CCNB3: variants seen among roughly 807,000 people sequenced by gnomAD.
CCNB3 encodes G2/mitotic-specific cyclin-B3.
CCNB3 carries 12 observed loss-of-function variants against 68.0 expected under a neutral mutation model. The observed-to-expected ratio is 0.18, with a 90% CI of 0.11 to 0.29. The LOEUF (loss-of-function observed/expected upper bound fraction) is 0.29, where lower values mean the gene tolerates loss of function less well. Among genes scored for constraint, CCNB3 ranks in the 10% least tolerant of loss-of-function variants. The pLI is 1.00. For synonymous variants in CCNB3, 354 were observed against 388.9 expected (o/e 0.91, Z 1.06); for missense variants, 904 against 993.1 (o/e 0.91, Z 1.21).
chrX:50,316,845 T>A (rs782612731), intron 8 of CCNB3, among the ~76,000 whole-genome samples: 1 of 112,533 alleles, frequency 8.9e-6, no homozygotes, highest in Non-Finnish European at 1.9e-5. Context: ...TTATCCATTC[T>A]CCTGTGGAAG....
chrX:50,219,155 A>G (rs1179072206), intron 1 of CCNB3, among the ~76,000 whole-genome samples: 1 of 111,465 alleles, frequency 9.0e-6, no homozygotes, highest in Non-Finnish European at 1.9e-5. Context: ...AATTCTTTGT[A>G]GATTCTGGAT....
intron 1 of CCNB3, among the ~76,000 whole-genome samples, chrX:50,280,361 G>A (rs1227089886): frequency 9.6e-6 from 1 of 103,746 alleles, no homozygotes; most frequent in East Asian, 2.9e-4. Context: ...CACAAATCAG[G>A]TGATTAATAA....
intron 5 of CCNB3, among the ~76,000 whole-genome samples, chrX:50,298,591 C>A (rs1936537807): frequency 9.0e-6 from 1 of 111,406 alleles, no homozygotes; most frequent in South Asian, 3.8e-4. Context: ...GTCTAAAATT[C>A]TCTTTTTTTG....
At chrX:50,308,386 T>C in intron 5 of CCNB3, 119 bp from the exon 6 acceptor site, 1 of 492,736 alleles carries the variant, frequency 2.0e-6, no homozygotes, top group Non-Finnish European at 3.5e-6. Flanking sequence ...CTAATCTGTC[T>C]TATGGGGTTG....
At chrX:50,350,936 GTCC>G (rs1261377684) in intron 11 of CCNB3, among the ~76,000 whole-genome samples, 4 of 110,806 alleles carry the variant, frequency 3.6e-5, no homozygotes, top group African/African-American at 1.3e-4. Context: ...GGCTCAAGCA[GTCC>G]TCCTGCCTCG....
chrX:50,351,336 T>C lies in CCNB3; in HGVS notation c.4056T>C (p.Asp1352=). 1 of 1,211,065 alleles carries C rather than the reference T, an allele frequency of 8.3e-7. No homozygotes were observed. Among genetic ancestry groups the C allele is most frequent in the African/African-American group, 1.7e-5 (1 of 57,820 alleles). Residue 1352 remains aspartate (D), a synonymous_variant, in exon 12 of 13, where the codon GAT becomes GAC. Coordinates refer to ENST00000376042, the MANE Select transcript of CCNB3 (RefSeq NM_033031.3). ...AACTGCTGACTTTCAGTTCTTACGA[T>C]AGTCTCAAGGCTGTGTATTACAAGT... ...LNKLLTFSSY[D]SLKAVYYKYS...
chrX:50,306,358 C>T (rs1557213580), intron 5 of CCNB3, among the ~76,000 whole-genome samples: 3 of 111,439 alleles, frequency 2.7e-5, no homozygotes, highest in Non-Finnish European at 5.6e-5. Context: ...GTTGTTCGTT[C>T]TAATAGTTTT....
rs1218196504 is a variant in CCNB3 at position 50,228,035 on chromosome X, G to T, written c.-113+23085G>T. Among the ~76,000 whole-genome samples the T allele has an allele frequency of 3.9e-3, 277 of 70,746 alleles. 2 individuals are homozygous for T. Among genetic ancestry groups the T allele is most frequent in the African/African-American group, 0.012 (219 of 18,053 alleles). 61.4% of individuals were successfully genotyped at this position (70,746 alleles called of 115,157 possible). On this transcript the variant is annotated intron_variant, in intron 1 of 12. Transcript: ENST00000376042. ...TAAATATATAGAGAGAATATATATA[G>T]AGAGAATATATATATAAATATATGG...
chrX:50,279,227 T>A (rs1402557564), intron 1 of CCNB3, among the ~76,000 whole-genome samples: 1 of 67,071 alleles, frequency 1.5e-5, no homozygotes, highest in African/African-American at 6.3e-5. Context: ...TATTCATATA[T>A]AAATATATAT....
chrX:50,219,406 C>T (rs1488998423), intron 1 of CCNB3, among the ~76,000 whole-genome samples: 3 of 111,030 alleles, frequency 2.7e-5, no homozygotes, highest in Middle Eastern at 4.2e-3. Flanking sequence ...GGTTTTAGGT[C>T]TTACGTTTAA....
At chrX:50,321,079 C>T (rs782210619) in intron 8 of CCNB3, among the ~76,000 whole-genome samples, 11 of 111,077 alleles carry the variant, frequency 9.9e-5, no homozygotes, top group East Asian at 5.6e-4. Context: ...ATTGTTTCTC[C>T]GGACCAAATG....
intron 4 of CCNB3, among the ~76,000 whole-genome samples, chrX:50,294,312 C>T (rs1423454878): frequency 4.5e-5 from 5 of 110,728 alleles, no homozygotes; most frequent in Non-Finnish European, 9.5e-5. Flanking sequence ...CATGATCTTT[C>T]CTACTGTTTA....
In CCNB3 at chrX:50,309,760, G is replaced by T. The variant is rs1007536169; in HGVS notation, c.1591G>T (p.Val531Leu). 8.3e-7 allele frequency: 1 copy of T among 1,210,324 alleles called. No homozygotes were observed. Among genetic ancestry groups the T allele is most frequent in the African/African-American group, 1.7e-5 (1 of 57,743 alleles). Residue 531 changes from valine to leucine, a missense_variant, in exon 6 of 13, where the codon GTG becomes TTG. Transcript: ENST00000376042. Reference protein sequence around the residue: ...KEPLPFKEEKVSLKKKCTTQE... With the variant: ...KEPLPFKEEKLSLKKKCTTQE... The stretch of plus-strand genomic sequence containing the variant: ...GCCACTGCCCTTTAAAGAAGAAAAA[G>T]TGTCTTTAAAGAAAAAGTGTACCAC...
intron 1 of CCNB3, among the ~76,000 whole-genome samples, chrX:50,216,102 C>T (rs1287120988): frequency 2.8e-5 from 3 of 107,631 alleles, no homozygotes; most frequent in African/African-American, 1.0e-4. Flanking sequence ...GTGCACACCA[C>T]CACGCCTGGC....
intron 8 of CCNB3, among the ~76,000 whole-genome samples, chrX:50,318,589 T>A: frequency 8.9e-6 from 1 of 112,283 alleles, no homozygotes; most frequent in Middle Eastern, 4.6e-3. Context: ...TATGTAAATT[T>A]TAGAATCAGA....
At chrX:50,326,910 A>G (rs1922321797) in intron 8 of CCNB3, among the ~76,000 whole-genome samples, 1 of 111,973 alleles carries the variant, frequency 8.9e-6, no homozygotes, top group Non-Finnish European at 1.9e-5. Context: ...TTTGAGGCAG[A>G]TTTTATCAGA....
chrX:50,226,884 AATATATAGT>A lies in CCNB3; in HGVS notation c.-113+21942_-113+21950del, dbSNP rs1339812891. 7.7e-4 allele frequency among the ~76,000 whole-genome samples: 55 copies of A among 71,307 alleles called. 2 individuals are homozygous for A. Among genetic ancestry groups the A allele is most frequent in the African/African-American group, 3.2e-3 (51 of 16,101 alleles). 61.9% of individuals were successfully genotyped at this position (71,307 alleles called of 115,157 possible). ...TATAGAATATATAGAATATATATAG[AATATATAGT>A]ATATATATAGAATATATAGTATATA... On this transcript the variant is annotated intron_variant, in intron 1 of 12. Coordinates refer to ENST00000376042, the MANE Select transcript of CCNB3 (RefSeq NM_033031.3).
intron 1 of CCNB3, among the ~76,000 whole-genome samples, chrX:50,213,582 G>C (rs1935516908): frequency 1.8e-5 from 2 of 111,490 alleles, no homozygotes; most frequent in South Asian, 7.5e-4. Flanking sequence ...TGTAGAATTG[G>C]TATTAATTGT....
chrX:50,288,797 A>G lies in CCNB3; in HGVS notation c.114A>G (p.Gln38=). The change falls in exon 4 of 13, where the codon CAA becomes CAG. Residue 38 remains glutamine, a synonymous_variant. Coordinates refer to ENST00000376042, the MANE Select transcript of CCNB3 (RefSeq NM_033031.3). ...TTTTTTAGACGGGGGAGAATTGCCAAACGAAGATATCTCCATCTTCACTTC... is the reference window on the plus strand; with the variant it reads ...TTTTTTAGACGGGGGAGAATTGCCAGACGAAGATATCTCCATCTTCACTTC... The part of the protein sequence containing the change: ...DPSEKTGENC[Q]TKISPSSLQE... 2.5e-6 allele frequency: 3 copies of G among 1,206,947 alleles called. No homozygotes were observed. Among genetic ancestry groups the G allele is most frequent in the Non-Finnish European group, 2.2e-6 (2 of 891,635 alleles).
Sources: gnomAD v4.1 joint callset for allele counts (sites outside exome capture counted in the v4.1 genomes callset) on GRCh38, gnomAD v4.1.1 for gene constraint, MANE v1.5 for transcripts, NCBI Gene and HGNC (gene_info 2026-07-23, HGNC 2026-07-21) for gene names.